Variants in NISCH observed in about 807,000 individuals in gnomAD.
NISCH encodes I-1 receptor candidate protein.
Under a neutral mutation model 138.4 loss-of-function variants are expected in NISCH, and 55 were observed. The observed-to-expected ratio is 0.40, with a 90% CI of 0.32 to 0.50. NISCH has a LOEUF of 0.50. NISCH is among the 20% of genes least tolerant of loss of function. The pLI is 0.71. For synonymous variants in NISCH, 860 were observed against 861.5 expected (o/e 1.00, Z 0.03); for missense variants, 1,643 against 2,005.5 (o/e 0.82, Z 3.45).
At chr3:52,471,448 C>T (rs144419688) in intron 4 of NISCH, 252 of 350,668 alleles carry the variant, frequency 7.2e-4, no homozygotes, top group African/African-American at 4.3e-3. Context: ...CATAGGCCTG[C>T]GCCTGACCTG....
Position 52,490,192 on chromosome 3 carries a change from C to T in NISCH, c.3574C>T (p.His1192Tyr). Residue 1192 changes from histidine (H) to tyrosine (Y), a missense_variant, in exon 18 of 21, where the codon CAC (histidine) becomes TAC (tyrosine). His to Tyr is a moderately conservative substitution (Grantham distance 83, BLOSUM62 2). Coordinates refer to ENST00000345716, the MANE Select transcript of NISCH (RefSeq NM_007184.4). ...LSTKAVYFVL[H>Y]DGLRRYFSEP... ...CACCAAGGCTGTGTACTTTGTGCTC[C>T]ACGACGGCCTCCGCCGCTACTTCTC... is the stretch of plus-strand genomic sequence containing the variant. 6.2e-7 allele frequency: 1 copy of T among 1,613,292 alleles called. No individual in the cohort carries two copies. The highest frequency in any genetic ancestry group is 8.5e-7 in the Non-Finnish European group (1 of 1,180,014).
chr3:52,488,516 G>A lies in NISCH; in HGVS notation c.3024G>A (p.Leu1008=), dbSNP rs1707472175. The A allele has an allele frequency of 2.5e-6, 4 of 1,613,160 alleles. No individual in the cohort carries two copies. In the South Asian group the frequency reaches 4.4e-5, roughly 18 times the overall value. The part of the protein sequence containing the change: ...YNQLRASLQD[L]KTVVIAKTPG... ...AGCTGCGGGCCTCGCTGCAGGACCT[G>A]AAGACTGTGGTCATCGCCAAGACCC... Residue 1008 remains leucine (L), a synonymous_variant, in exon 16 of 21, where the codon CTG becomes CTA. Coordinates refer to ENST00000345716, the MANE Select transcript of NISCH (RefSeq NM_007184.4).
chr3:52,458,911 C>A, intron 3 of NISCH, 67 bp downstream of exon 3: 1 of 1,391,478 alleles, frequency 7.2e-7, no homozygotes, highest in Non-Finnish European at 9.8e-7. Context: ...AGGCAGCAAA[C>A]CAGGGGAGAC....
rs111506560 is a variant in NISCH, at chr3:52,476,233, TA to T, written c.766-212del. On this transcript the variant is annotated intron_variant, in intron 7 of 20. Coordinates refer to ENST00000345716, the MANE Select transcript of NISCH (RefSeq NM_007184.4). ...TTGCTCCTAAAGCAGGGCCAGGACT[TA>T]ATTCTAAGTGGCTGTTATGTGGTAA... is the stretch of plus-strand genomic sequence containing the variant. 75 of 574,400 alleles carry T rather than the reference TA, an allele frequency of 1.3e-4. 2 individuals are homozygous for T. The Middle Eastern group carries it at 1.5e-3, about 11-fold the overall frequency. The allele number at this position is 574,400 out of a possible 1,614,324, so 35.6% of individuals were successfully genotyped here.
In NISCH at chr3:52,492,422, G is replaced by T. The variant is rs527419839; in HGVS notation, c.4455G>T (p.Leu1485=). The change falls in exon 21 of 21, where the codon CTG becomes CTT. Residue 1485 remains leucine, a synonymous_variant. Transcript: ENST00000345716. ...AGAGCAGAGAGAAGCTCATCTCGCT[G>T]TTGGCTCGCCAGTGGGAGGCCCTGT... is the stretch of plus-strand genomic sequence containing the variant. ...SAESREKLIS[L]LARQWEALCG... 6.2e-7 allele frequency: 1 copy of T among 1,612,608 alleles called. No individual in the cohort carries two copies. The highest frequency in any genetic ancestry group is 1.7e-4 in the Middle Eastern group (1 of 6,060).
chr3:52,471,480 G>A, intron 4 of NISCH: 1 of 411,506 alleles, frequency 2.4e-6, no homozygotes, highest in South Asian at 2.9e-5. Flanking sequence ...TTCGGAGGTT[G>A]CAGCATAGGT....
intron 2 of NISCH, 56 bp from the exon 3 acceptor site, chr3:52,458,606 T>G (rs1373162609): frequency 6.7e-7 from 1 of 1,495,078 alleles, no homozygotes; most frequent in Non-Finnish European, 9.1e-7. Flanking sequence ...TGCCTTGGTC[T>G]TACATAGGCA....
chr3:52,472,007 G>C (rs1706963591), intron 5 of NISCH, 30 bp downstream of exon 5: 1 of 1,547,450 alleles, frequency 6.5e-7, no homozygotes, highest in African/African-American at 1.4e-5. Context: ...GTCATGGAGA[G>C]CCCCGCAGTC....
chr3:52,491,822 C>T (rs1162188779), intron 20 of NISCH, 50 bp from the exon 21 acceptor site: 1 of 1,527,378 alleles, frequency 6.5e-7, no homozygotes, highest in African/African-American at 1.4e-5. Flanking sequence ...TGCTCCCAGC[C>T]CCACCAGGGG....
intron 5 of NISCH, 63 bp downstream of exon 5, chr3:52,472,040 G>T: frequency 6.7e-7 from 1 of 1,493,778 alleles, no homozygotes; most frequent in Non-Finnish European, 9.0e-7. Context: ...ACCTGCGGGG[G>T]ACTGGCTGGC....
rs145517380 is a variant in NISCH at position 52,471,944 on chromosome 3, C to A, written c.540C>A (p.Ile180=). 3.5e-5 allele frequency: 56 copies of A among 1,608,012 alleles called. No homozygotes were observed. In the African/African-American group the frequency reaches 6.4e-4, roughly 18 times the overall value. The change falls in exon 5 of 21, where the codon ATC becomes ATA. Residue 180 remains isoleucine, a synonymous_variant. Transcript: ENST00000345716. ...SGDAKTDLGH[I]LDFTCRLKYL... ...ATGCCAAGACCGACCTCGGGCACAT[C>A]CTGGACTTCACCTGTCGCCTTAAGT...
Position 52,487,277 on chromosome 3 carries a change from C to T in NISCH, c.1785C>T (p.Tyr595=). Residue 595 remains tyrosine, a synonymous_variant, in exon 16 of 21, where the codon TAC becomes TAT. Transcript: ENST00000345716. This position sits in a 1 kb window ranked among gnomAD's most constrained non-coding sequence, Gnocchi z 9.1. ...TCCTGCCCTTCACCTGCATTGGCTA[C>T]ACGGCCACCAATCAGGACTTCATCC... The part of the protein sequence containing the change: ...IIFLPFTCIG[Y]TATNQDFIQR... The T allele has an allele frequency of 6.2e-7, 1 of 1,614,188 alleles. No individual in the cohort carries two copies. The highest frequency in any genetic ancestry group is 8.5e-7 in the Non-Finnish European group (1 of 1,180,054).
chr3:52,486,149 G>A (rs887454794), intron 15 of NISCH, among the ~76,000 whole-genome samples: 2 of 151,830 alleles, frequency 1.3e-5, no homozygotes, highest in African/African-American at 4.8e-5. Flanking sequence ...TCGCTCTGTC[G>A]CCCAGGCTGG....
chr3:52,473,770 G>A lies in NISCH; in HGVS notation c.706G>A (p.Val236Ile), dbSNP rs1288987323. The A allele has an allele frequency of 6.2e-7, 1 of 1,609,040 alleles. No homozygotes were observed. The highest frequency in any genetic ancestry group is 1.7e-4 in the Middle Eastern group (1 of 5,978). Reference protein sequence around the residue: ...HCDAKHIRGLVASKPTLATLS... With the variant: ...HCDAKHIRGLIASKPTLATLS... ...TGATGCTAAGCACATCAGAGGGCTG[G>A]TCGCATCGAAGCCCACCTTAGCCAC... The change falls in exon 7 of 21, where the codon GTC becomes ATC. Residue 236 changes from valine (V) to isoleucine (I), a missense_variant. Val to Ile is a conservative substitution (Grantham distance 29). Transcript: ENST00000345716.
Position 52,458,648 on chromosome 3 carries a change from A to G in NISCH, c.178-14A>G. 6.2e-7 allele frequency: 1 copy of G among 1,608,582 alleles called. No homozygotes were observed. Among genetic ancestry groups the G allele is most frequent in the Non-Finnish European group, 8.5e-7 (1 of 1,177,604 alleles). Reference sequence around the variant, plus strand: ...CTCTTAGTCTGTGGTTGATGTGCTTATGTTTTTTTACAGCTCGTTGCAGAG... The same window carrying G: ...CTCTTAGTCTGTGGTTGATGTGCTTGTGTTTTTTTACAGCTCGTTGCAGAG... On this transcript the variant is annotated splice_polypyrimidine_tract_variant and intron_variant, in intron 2 of 20. Transcript: ENST00000345716.
At position 52,458,642 on chromosome 3, in the gene NISCH, G is replaced by A. The variant is rs756027452; in HGVS notation, c.178-20G>A. On this transcript the variant is annotated intron_variant, in intron 2 of 20. Coordinates refer to ENST00000345716, the MANE Select transcript of NISCH (RefSeq NM_007184.4). ...CAGAGCCTCTTAGTCTGTGGTTGAT[G>A]TGCTTATGTTTTTTTACAGCTCGTT... 11 of 1,606,338 alleles carry A rather than the reference G, an allele frequency of 6.8e-6. No individual in the cohort carries two copies. The highest frequency in any genetic ancestry group is 3.4e-5 in the Admixed American group (2 of 58,532).
intron 6 of NISCH, among the ~76,000 whole-genome samples, chr3:52,472,996 C>T (rs1706995083): frequency 6.6e-6 from 1 of 152,238 alleles, no homozygotes. Flanking sequence ...CCCAACAGCC[C>T]CGTGAAGAGG....
intron 3 of NISCH, among the ~76,000 whole-genome samples, chr3:52,462,110 G>T (rs1479109508): frequency 6.6e-6 from 1 of 152,132 alleles, no homozygotes; most frequent in Non-Finnish European, 1.5e-5. Context: ...CTGGTTTGAG[G>T]CAGGCTCCGC....
At chr3:52,460,933 C>G (rs147382557) in intron 3 of NISCH, among the ~76,000 whole-genome samples, 23 of 151,960 alleles carry the variant, frequency 1.5e-4, no homozygotes, top group African/African-American at 5.3e-4. Flanking sequence ...AAAAGCCCAG[C>G]TGTATTTAAA....
Sources: allele counts gnomAD v4.1 joint callset (sites outside exome capture counted in the v4.1 genomes callset), GRCh38; gene constraint gnomAD v4.1.1; non-coding constraint Gnocchi (gnomAD v3.1); transcripts MANE v1.5; gene names NCBI Gene and HGNC (gene_info 2026-07-23, HGNC 2026-07-21).